Variants in GRAMD1C observed in about 807,000 individuals in gnomAD.
GRAMD1C encodes protein Aster-C.
GRAMD1C carries 89 observed loss-of-function variants against 97.8 expected under a neutral mutation model. That is an observed-to-expected ratio of 0.91 (90% confidence interval 0.77 to 1.09). The LOEUF is 1.09. Ranked by LOEUF, GRAMD1C falls within the 50% of genes least tolerant of loss-of-function variation. The probability of loss-of-function intolerance (pLI) is 0.00; values close to 1 mark genes in which losing one functional copy is unlikely to be tolerated. For synonymous variants in GRAMD1C, 256 were observed against 267.0 expected (o/e 0.96, Z 0.40); for missense variants, 740 against 766.4 (o/e 0.97, Z 0.41).
At chr3:113,865,107 C>T (rs1934535909) in intron 2 of GRAMD1C, among the ~76,000 whole-genome samples, 5 of 152,234 alleles carry the variant, frequency 3.3e-5, no homozygotes, top group South Asian at 2.1e-4. Context: ...TGGATGCCAT[C>T]ACATGGTGGG....
chr3:113,892,732 G>A lies in GRAMD1C; in HGVS notation c.541-8299G>A, dbSNP rs114359704. The stretch of plus-strand genomic sequence containing the variant: ...TTTGTGGGGCCAGAGGACAATGGCA[G>A]CACCATTCTTTAATACAAACAATTG... On this transcript the variant is annotated intron_variant, in intron 6 of 17. Coordinates refer to ENST00000358160, the MANE Select transcript of GRAMD1C (RefSeq NM_017577.5). Among the ~76,000 whole-genome samples the A allele has an allele frequency of 8.0e-3, 1,212 of 152,294 alleles. 11 individuals carry two copies. Among genetic ancestry groups the A allele is most frequent in the Middle Eastern group, 0.017 (5 of 294 alleles).
intron 9 of GRAMD1C, among the ~76,000 whole-genome samples, chr3:113,910,370 G>A (rs1936523037): frequency 6.6e-6 from 1 of 152,184 alleles, no homozygotes; most frequent in South Asian, 2.1e-4. Context: ...GTGACAGTGT[G>A]AGACTCCGTC....
chr3:113,923,302 T>C (rs1343071476), intron 10 of GRAMD1C, among the ~76,000 whole-genome samples: 2 of 152,182 alleles, frequency 1.3e-5, no homozygotes, highest in African/African-American at 2.4e-5. Context: ...TCCAGTACTA[T>C]GTTGAATAGA....
At chr3:113,934,069 C>G (rs550245442) in intron 12 of GRAMD1C, among the ~76,000 whole-genome samples, 1 of 152,174 alleles carries the variant, frequency 6.6e-6, no homozygotes, top group East Asian at 1.9e-4. Context: ...TGTACTTGGC[C>G]TACTCTGGTT....
intron 8 of GRAMD1C, 55 bp downstream of exon 8, chr3:113,904,327 G>A: frequency 8.5e-7 from 1 of 1,174,554 alleles, no homozygotes; most frequent in Non-Finnish European, 1.3e-6. Flanking sequence ...GTCCTAATCA[G>A]AATACAAGAT....
chr3:113,910,587 G>C (rs1217996200), intron 9 of GRAMD1C, among the ~76,000 whole-genome samples: 2 of 152,174 alleles, frequency 1.3e-5, no homozygotes, highest in East Asian at 1.9e-4. Context: ...TCTAGAGTGG[G>C]CTCAACAAAT....
At chr3:113,875,042 A>G (rs1934971881) in intron 3 of GRAMD1C, among the ~76,000 whole-genome samples, 1 of 152,100 alleles carries the variant, frequency 6.6e-6, no homozygotes, top group Admixed American at 6.6e-5. Context: ...TAGTTCCTCA[A>G]ATGTGCTGTG....
Position 113,875,581 on chromosome 3 carries a change from AACT to A in GRAMD1C, c.360_362del (p.Thr121del). ...TCTATAGCAACATCTTCAGATGGGAAACTACAGTAAGACATTTTGCATTTGATT... is the reference window on the plus strand; with the variant it reads ...TCTATAGCAACATCTTCAGATGGGAAACAGTAAGACATTTTGCATTTGATT... On this transcript the variant is annotated inframe_deletion, in exon 4 of 18. Transcript: ENST00000358160. 1 of 1,303,812 alleles carries A rather than the reference AACT, an allele frequency of 7.7e-7. No individual in the cohort carries two copies. Among genetic ancestry groups the A allele is most frequent in the Non-Finnish European group, 1.1e-6 (1 of 895,294 alleles). The allele number at this position is 1,303,812 out of a possible 1,614,324, so 80.8% of individuals were successfully genotyped here. A position where few individuals can be genotyped will look rare whatever the true frequency, so the allele number is the denominator to read the frequency against.
At chr3:113,916,623 G>A (rs1339559539) in intron 10 of GRAMD1C, among the ~76,000 whole-genome samples, 1 of 152,120 alleles carries the variant, frequency 6.6e-6, no homozygotes. Flanking sequence ...AGACTGGGAG[G>A]GAGCTTTTGG....
At chr3:113,862,460 A>C (rs1380182923) in intron 2 of GRAMD1C, among the ~76,000 whole-genome samples, 1 of 152,216 alleles carries the variant, frequency 6.6e-6, no homozygotes, top group South Asian at 2.1e-4. Flanking sequence ...GCTCACTGAC[A>C]GTCAGAGTTT....
intron 3 of GRAMD1C, among the ~76,000 whole-genome samples, chr3:113,873,084 C>G (rs536329028): frequency 1.4e-4 from 3 of 21,498 alleles, no homozygotes; most frequent in Non-Finnish European, 3.4e-4. Context: ...CAGAGCAAGA[C>G]TCCATCTCAA....
intron 11 of GRAMD1C, among the ~76,000 whole-genome samples, chr3:113,932,639 A>G (rs778517815): frequency 1.3e-5 from 2 of 152,200 alleles, no homozygotes; most frequent in Non-Finnish European, 2.9e-5. Flanking sequence ...GTTTGTCCTC[A>G]TGCCTAAAGG....
intron 6 of GRAMD1C, among the ~76,000 whole-genome samples, chr3:113,896,541 A>G (rs993967907): frequency 2.6e-5 from 4 of 152,216 alleles, no homozygotes; most frequent in Non-Finnish European, 4.4e-5. Context: ...CAGTTAATGT[A>G]TATTTTCTCA....
At chr3:113,859,722 G>A (rs943709945) in intron 2 of GRAMD1C, among the ~76,000 whole-genome samples, 4 of 152,032 alleles carry the variant, frequency 2.6e-5, no homozygotes, top group Non-Finnish European at 4.4e-5. Context: ...AGAAACCCTC[G>A]ATCCCCAAAA....
chr3:113,932,062 A>G (rs1937451312), intron 11 of GRAMD1C, among the ~76,000 whole-genome samples: 1 of 152,252 alleles, frequency 6.6e-6, no homozygotes. Flanking sequence ...AGTTTTTGAA[A>G]TTAAATACTG....
Position 113,864,511 on chromosome 3 carries a change from G to A in GRAMD1C, c.175-4996G>A, listed in dbSNP as rs1934510484. ...TTTGGGTAATTAATCCAGACCCAGA[G>A]AGCACTCCCAAAAGATGGCATTAAT... On this transcript the variant is annotated intron_variant, in intron 2 of 17. Transcript: ENST00000358160. Among the ~76,000 whole-genome samples the A allele has an allele frequency of 2.0e-5, 3 of 152,110 alleles. No individual in the cohort carries two copies. The South Asian group carries it at 6.2e-4, about 32-fold the overall frequency.
At chr3:113,876,459 T>G (rs767281584) in intron 5 of GRAMD1C, among the ~76,000 whole-genome samples, 199 bp downstream of exon 5, 2 of 152,162 alleles carry the variant, frequency 1.3e-5, no homozygotes, top group Non-Finnish European at 2.9e-5. Flanking sequence ...ACTTTATAGT[T>G]TACAGATAAC....
At chr3:113,935,501 T>TATAC (rs1283939110) in intron 13 of GRAMD1C, among the ~76,000 whole-genome samples, 7 of 105,592 alleles carry the variant, frequency 6.6e-5, no homozygotes, top group Non-Finnish European at 1.6e-4. Context: ...TATATATATA[T>TATAC]ACACACACAC....
chr3:113,916,283 C>T (rs142791300), intron 10 of GRAMD1C, among the ~76,000 whole-genome samples: 37 of 152,262 alleles, frequency 2.4e-4, no homozygotes, highest in African/African-American at 8.7e-4. Context: ...TACATTTGTA[C>T]TCTGAATGAC....
Sources: gnomAD v4.1 joint callset for allele counts (sites outside exome capture counted in the v4.1 genomes callset) on GRCh38, gnomAD v4.1.1 for gene constraint, MANE v1.5 for transcripts, NCBI Gene and HGNC (gene_info 2026-07-23, HGNC 2026-07-21) for gene names.